The following TEX14 variants were observed in gnomAD, a reference collection of about 807,000 sequenced individuals.
TEX14 encodes the protein inactive serine/threonine-protein kinase TEX14.
TEX14 carries 168 observed loss-of-function variants against 178.6 expected under a neutral mutation model. That is an observed-to-expected ratio of 0.94 (90% confidence interval 0.83 to 1.07). TEX14 has a LOEUF of 1.07. TEX14 is among the 50% of genes least tolerant of loss of function. The pLI is 0.00. For synonymous variants in TEX14, 626 were observed against 634.1 expected (o/e 0.99, Z 0.19); for missense variants, 1,730 against 1,753.6 (o/e 0.99, Z 0.24).
intron 3 of TEX14, 147 bp downstream of exon 3, chr17:58,630,293 T>A: frequency 1.8e-6 from 1 of 556,090 alleles, no homozygotes; most frequent in Non-Finnish European, 3.3e-6. Flanking sequence ...CCTGACCTCG[T>A]GATCTGCCCG....
intron 3 of TEX14, among the ~76,000 whole-genome samples, chr17:58,626,512 G>C (rs1342101831): frequency 7.6e-6 from 1 of 131,088 alleles, no homozygotes; most frequent in Admixed American, 8.9e-5. Flanking sequence ...AGAGGCTGCA[G>C]TGAGCCAAGA....
intron 23 of TEX14, among the ~76,000 whole-genome samples, chr17:58,572,930 G>A (rs545346684): frequency 1.7e-4 from 26 of 152,352 alleles, no homozygotes; most frequent in African/African-American, 6.0e-4. Context: ...AGTGCTTAGA[G>A]GAGATGTAGC....
chr17:58,630,391 C>G (rs751542535), intron 3 of TEX14, 49 bp downstream of exon 3: 3 of 1,391,436 alleles, frequency 2.2e-6, no homozygotes, highest in Non-Finnish European at 3.1e-6. Context: ...ACAAACTCAT[C>G]TTAACAGCAC....
At chr17:58,678,635 G>C (rs1325461268) in intron 1 of TEX14, among the ~76,000 whole-genome samples, 1 of 151,858 alleles carries the variant, frequency 6.6e-6, no homozygotes. Context: ...GAGAACACTT[G>C]AACACGGGGT....
At chr17:58,589,207 G>A (rs547052964) in intron 15 of TEX14, among the ~76,000 whole-genome samples, 29 of 151,868 alleles carry the variant, frequency 1.9e-4, no homozygotes, top group African/African-American at 7.0e-4. Context: ...AGGTTGCAGT[G>A]AGCTGAGATC....
rs1284278718 is a variant in TEX14, at chr17:58,578,210, G to A, written c.3239-754C>T. On this transcript the variant is annotated intron_variant, in intron 20 of 31. Coordinates refer to ENST00000349033, the MANE Select transcript of TEX14 (RefSeq NM_031272.5). ...AATGCCACCTTTCACAGCTACCAAG[G>A]AGCTCTGAAACCCCACCAGTGGAGA... Among the ~76,000 whole-genome samples, 3 of 152,086 alleles carry A rather than the reference G, an allele frequency of 2.0e-5. No homozygotes were observed. The East Asian group carries it at 5.8e-4, about 29-fold the overall frequency.
chr17:58,689,326 T>C (rs979615024), intron 1 of TEX14, among the ~76,000 whole-genome samples: 1 of 152,134 alleles, frequency 6.6e-6, no homozygotes, highest in Non-Finnish European at 1.5e-5. Context: ...GTTCAAGCTA[T>C]TCTCCTGCCT....
Position 58,616,301 on chromosome 17 carries a change from T to TA in TEX14, c.640dup (p.Tyr214LeufsTer26). On this transcript the variant is annotated frameshift_variant, in exon 7 of 32. Transcript: ENST00000349033. LOFTEE classifies it high-confidence loss of function. ...GGCCATCTGTGTCGCCCCAGTAAGA[T>TA]AAAACTGAAACCAAGGCATAGCCTC... 6.2e-7 allele frequency: 1 copy of TA among 1,612,288 alleles called. No homozygotes were observed.
chr17:58,643,563 A>C (rs981921038), intron 2 of TEX14, among the ~76,000 whole-genome samples: 4 of 85,630 alleles, frequency 4.7e-5, no homozygotes, highest in African/African-American at 2.1e-4. Flanking sequence ...CCCTGTCTCA[A>C]AAATGAAAAA....
intron 1 of TEX14, among the ~76,000 whole-genome samples, chr17:58,678,264 T>A (rs2047428559): frequency 6.6e-6 from 1 of 152,226 alleles, no homozygotes; most frequent in Non-Finnish European, 1.5e-5. Context: ...GAAGACAGTG[T>A]GGCGATTCCT....
intron 27 of TEX14, 48 bp from the exon 28 acceptor site, chr17:58,565,016 G>T: frequency 7.9e-7 from 1 of 1,269,882 alleles, no homozygotes. Flanking sequence ...AAAAAAAATT[G>T]AGAAAGCTTG....
chr17:58,677,092 C>G (rs1216900829), intron 1 of TEX14, among the ~76,000 whole-genome samples: 4 of 146,352 alleles, frequency 2.7e-5, no homozygotes, highest in Non-Finnish European at 6.0e-5. Flanking sequence ...GCACTCCAGC[C>G]TGGGCAACAA....
At chr17:58,612,315 G>A (rs1466290604) in intron 9 of TEX14, among the ~76,000 whole-genome samples, 1 of 152,194 alleles carries the variant, frequency 6.6e-6, no homozygotes, top group African/African-American at 2.4e-5. Context: ...TAGGCTGGCT[G>A]CAGTGGCTCG....
Position 58,579,734 on chromosome 17 carries a change from A to T in TEX14, c.3172-3T>A. 1 of 1,611,694 alleles carries T rather than the reference A, an allele frequency of 6.2e-7. No individual in the cohort carries two copies. The highest frequency in any genetic ancestry group is 8.5e-7 in the Non-Finnish European group (1 of 1,178,436). On this transcript the variant is annotated splice_polypyrimidine_tract_variant and splice_region_variant and intron_variant, in intron 19 of 31. Coordinates refer to ENST00000349033, the MANE Select transcript of TEX14 (RefSeq NM_031272.5). ...TCCTCTTCTATGGGACTCGAGGTCT[A>T]AAAAAGAACAAAAGAAAAGCAAAGA...
chr17:58,572,268 AC>A, intron 23 of TEX14, 142 bp from the exon 24 acceptor site: 1 of 605,492 alleles, frequency 1.7e-6, no homozygotes. Flanking sequence ...AAACAAACAA[AC>A]AAACAAACAA....
intron 9 of TEX14, among the ~76,000 whole-genome samples, 170 bp downstream of exon 9, chr17:58,613,251 T>C (rs899809367): frequency 6.6e-6 from 1 of 151,176 alleles, no homozygotes; most frequent in African/African-American, 2.4e-5. Flanking sequence ...ATTCTGACCA[T>C]GTGCTTATCA....
intron 21 of TEX14, among the ~76,000 whole-genome samples, chr17:58,576,696 A>G (rs1260496842): frequency 6.6e-6 from 1 of 151,930 alleles, no homozygotes; most frequent in Non-Finnish European, 1.5e-5. Flanking sequence ...CCCTTCCTTA[A>G]CCCCTGGCAA....
intron 9 of TEX14, 111 bp downstream of exon 9, chr17:58,613,310 T>A: frequency 7.5e-7 from 1 of 1,341,766 alleles, no homozygotes; most frequent in Non-Finnish European, 1.0e-6. Context: ...AGAATAAAGA[T>A]ATTTATCTTC....
Position 58,561,544 on chromosome 17 carries a change from T to C in TEX14, c.4133A>G (p.Gln1378Arg), listed in dbSNP as rs374414640. The change falls in exon 29 of 32, where the codon CAA (glutamine) becomes CGA (arginine). Residue 1378 changes from glutamine to arginine, a missense_variant. Gln to Arg is a conservative substitution (Grantham distance 43). This residue lies in a region of TEX14 where 941 missense variants were observed against 1,072.4 expected (regional missense o/e 0.88). Transcript: ENST00000349033. ...CCTTTCAGAGCCCTTGGGAAGGTCT[T>C]GTAGCTCCACGCTCTCCTCAGGTGG... is the stretch of plus-strand genomic sequence containing the variant. ...LQPPEESVEL[Q>R]DLPKGSERET... The C allele has an allele frequency of 3.1e-6, 5 of 1,613,640 alleles. No individual in the cohort carries two copies. Among genetic ancestry groups the C allele is most frequent in the Non-Finnish European group, 4.2e-6 (5 of 1,179,616 alleles).
Sources: gnomAD v4.1 joint callset for allele counts (sites outside exome capture counted in the v4.1 genomes callset) on GRCh38, gnomAD v4.1.1 for gene constraint, gnomAD v4.1.1 regional missense constraint, MANE v1.5 for transcripts, NCBI Gene and HGNC (gene_info 2026-07-23, HGNC 2026-07-21) for gene names.